The following MKS1 variants were observed in gnomAD, a reference collection of about 807,000 sequenced individuals.
The protein encoded by MKS1 is MKS transition zone complex subunit 1, also known as tectonic-like complex member MKS1.
In MKS1, 70 loss-of-function variants were observed where a neutral mutation model predicts 83.7. That is an observed-to-expected ratio of 0.84 (90% CI 0.69 to 1.02). The LOEUF (loss-of-function observed/expected upper bound fraction) is 1.02. MKS1 is among the 50% of genes least tolerant of loss of function. MKS1 has a pLI of 0.00. For missense variants in MKS1, 681 were observed against 726.9 expected, an observed-to-expected ratio of 0.94 and a Z score of 0.73; for synonymous variants, 251 against 273.4, an observed-to-expected ratio of 0.92 and a Z score of 0.81.
chr17:58,206,504 C>G lies in MKS1; in HGVS notation c.1451G>C (p.Gly484Ala). 5 of 1,614,040 alleles carry G rather than the reference C, an allele frequency of 3.1e-6. No homozygotes were observed. The highest frequency in any genetic ancestry group is 4.2e-6 in the Non-Finnish European group (5 of 1,180,022). ...ACAGTGCAAGCGGAAGGTGACAGTG[C>G]CTGTGGTCTCTGTGCGGAGTCCAAA... ...SRFGLRTETT[G>A]TVTFRLHCLQ... The change falls in exon 16 of 18, where the codon GGC becomes GCC. Residue 484 changes from glycine (G) to alanine (A), a missense_variant. Physicochemically the swap from Gly to Ala is moderately conservative, Grantham distance 60. This residue lies in a region of MKS1 where 310 missense variants were observed against 321.7 expected (regional missense o/e 0.96). Coordinates refer to ENST00000393119, the MANE Select transcript of MKS1 (RefSeq NM_017777.4).
chr17:58,206,974 G>T, intron 15 of MKS1, 111 bp downstream of exon 15: 2 of 1,472,704 alleles, frequency 1.4e-6, no homozygotes, highest in Non-Finnish European at 1.9e-6. Context: ...GAAGGAAGGG[G>T]TTAATACTGA....
At chr17:58,207,773 T>C in intron 14 of MKS1, 121 bp downstream of exon 14, 1 of 1,013,432 alleles carries the variant, frequency 9.9e-7, no homozygotes. Context: ...CAGGAACTCT[T>C]TCAAGCCAAA....
At chr17:58,215,277 T>TA (rs1239380571) in intron 4 of MKS1, among the ~76,000 whole-genome samples, 2 of 152,120 alleles carry the variant, frequency 1.3e-5, no homozygotes, top group Admixed American at 6.5e-5. Context: ...AATTTATATA[T>TA]TTTTTTAAGA....
At position 58,214,167 on chromosome 17, in the gene MKS1, C is replaced by T. The variant is rs1397684616; in HGVS notation, c.644+92G>A. On this transcript the variant is annotated intron_variant, in intron 6 of 17. Coordinates refer to ENST00000393119, the MANE Select transcript of MKS1 (RefSeq NM_017777.4). Reference sequence around the variant, plus strand: ...AAGGAAGAAAAAGTCCCTCCCTCCCCTATAACCTAGGATGATAATAACAGG... The same window carrying T: ...AAGGAAGAAAAAGTCCCTCCCTCCCTTATAACCTAGGATGATAATAACAGG... 45 of 1,590,860 alleles carry T rather than the reference C, an allele frequency of 2.8e-5. No homozygotes were observed. In the East Asian group the frequency reaches 9.6e-4, roughly 34 times the overall value.
chr17:58,210,503 G>C (rs1207209774), intron 11 of MKS1, among the ~76,000 whole-genome samples, 156 bp downstream of exon 11: 1 of 152,162 alleles, frequency 6.6e-6, no homozygotes, highest in Non-Finnish European at 1.5e-5. Flanking sequence ...GGTGAAAGCA[G>C]GGAAGTCTCC....
At chr17:58,212,000 T>C (rs1968905239) in intron 9 of MKS1, among the ~76,000 whole-genome samples, 1 of 152,062 alleles carries the variant, frequency 6.6e-6, no homozygotes, top group South Asian at 2.1e-4. Context: ...TTAAATTAAT[T>C]ATAAAGTAAT....
chr17:58,207,252 C>A (rs1395849605), intron 14 of MKS1, 34 bp from the exon 15 acceptor site: 14 of 1,612,572 alleles, frequency 8.7e-6, no homozygotes, highest in Non-Finnish European at 1.2e-5. Context: ...GGGCCAGGTC[C>A]AGAAAGGGCA....
In MKS1 at chr17:58,219,037, G is replaced by A. The variant is rs1598007788; in HGVS notation, c.80+114C>T. On this transcript the variant is annotated intron_variant, in intron 1 of 17. Coordinates refer to ENST00000393119, the MANE Select transcript of MKS1 (RefSeq NM_017777.4). ...GATAGTGAAAGAAGTGGGGAGCCCG[G>A]AGAAGTGGTCGGGATTGTAAGCAGA... is the stretch of plus-strand genomic sequence containing the variant. 1.8e-5 allele frequency: 26 copies of A among 1,421,816 alleles called. No individual in the cohort carries two copies. The East Asian group carries it at 6.5e-4, about 35-fold the overall frequency. The allele number at this position is 1,421,816 out of a possible 1,614,324, so 88.1% of individuals were successfully genotyped here. A position where few individuals can be genotyped will look rare whatever the true frequency, so the allele number is the denominator to read the frequency against.
At position 58,214,814 on chromosome 17, in the gene MKS1, C is replaced by T; in HGVS notation, c.442G>A (p.Ala148Thr). The T allele has an allele frequency of 6.2e-7, 1 of 1,604,804 alleles. No individual in the cohort carries two copies. The highest frequency in any genetic ancestry group is 8.5e-7 in the Non-Finnish European group (1 of 1,179,520). Residue 148 changes from alanine to threonine, a missense_variant, in exon 5 of 18, where the codon GCC becomes ACC. Transcript: ENST00000393119. The part of the protein sequence containing the change: ...EEHCQRMTTA[A>T]SEVPSFLVER... ...ACCAAGAATGAAGGCACCTCGCTGG[C>T]TGCAGTGGTCATTCTCTGACAGTGC... is the stretch of plus-strand genomic sequence containing the variant.
chr17:58,206,015 A>T lies in MKS1; in HGVS notation c.*64T>A. 1 of 1,557,376 alleles carries T rather than the reference A, an allele frequency of 6.4e-7. No individual in the cohort carries two copies. Among genetic ancestry groups the T allele is most frequent in the South Asian group, 1.2e-5 (1 of 85,180 alleles). On this transcript the variant is annotated 3_prime_UTR_variant, in exon 18 of 18. Coordinates refer to ENST00000393119, the MANE Select transcript of MKS1 (RefSeq NM_017777.4). The stretch of plus-strand genomic sequence containing the variant: ...CTAATCAGAAAGACGAAGAGGCAGG[A>T]GAGCACTGGCCTCAGATATCCCCCA...
Position 58,212,432 on chromosome 17 carries a change from A to C in MKS1, c.861T>G (p.Leu287=). The change falls in exon 9 of 18, where the codon CTT becomes CTG. Residue 287 remains leucine, a splice_region_variant and synonymous_variant. Coordinates refer to ENST00000393119, the MANE Select transcript of MKS1 (RefSeq NM_017777.4). ...TGAGATACTCCTTGTGCCGGCCATA[A>C]AGCTGAGGAAACAAACCAAACCAAA... ...EERERRVFKD[L]YGRHKEYLSS... 1 of 1,614,182 alleles carries C rather than the reference A, an allele frequency of 6.2e-7. No individual in the cohort carries two copies. Among genetic ancestry groups the C allele is most frequent in the Non-Finnish European group, 8.5e-7 (1 of 1,180,030 alleles).
chr17:58,206,167 G>C lies in MKS1; in HGVS notation c.1592C>G (p.Ala531Gly), dbSNP rs751294519. Residue 531 changes from alanine (A) to glycine (G), a missense_variant, in exon 18 of 18, where the codon GCC becomes GGC. Ala to Gly is a moderately conservative substitution (Grantham distance 60). Around this residue, in one of 3 missense-constraint regions of MKS1, gnomAD observed 310 missense variants for 321.7 expected, o/e 0.96. Transcript: ENST00000393119. ...CATGCGGCGCCGGGCTCGACGGAAG[G>C]CCTCTGTAAGGAAAGGAGATATGCT... ...QQSSIHNVLEAFRRARRRMQE... is the reference protein window; with the variant it reads ...QQSSIHNVLEGFRRARRRMQE... 3 of 1,614,044 alleles carry C rather than the reference G, an allele frequency of 1.9e-6. No homozygotes were observed. Among genetic ancestry groups the C allele is most frequent in the Non-Finnish European group, 2.5e-6 (3 of 1,179,978 alleles).
At chr17:58,210,245 C>T (rs1425910071) in intron 11 of MKS1, among the ~76,000 whole-genome samples, 1 of 152,028 alleles carries the variant, frequency 6.6e-6, no homozygotes, top group Non-Finnish European at 1.5e-5. Context: ...GAGTCTGAGA[C>T]GTATTGATGG....
chr17:58,206,440 T>A, intron 16 of MKS1, 25 bp downstream of exon 16: 1 of 1,614,056 alleles, frequency 6.2e-7, no homozygotes, highest in Non-Finnish European at 8.5e-7. Flanking sequence ...TAAGGTGCCC[T>A]GAGGCAGAGG....
intron 7 of MKS1, 119 bp downstream of exon 7, chr17:58,213,645 CT>C (rs779473998): frequency 1.3e-6 from 1 of 799,978 alleles, no homozygotes; most frequent in Non-Finnish European, 2.2e-6. Flanking sequence ...GAACCATTGC[CT>C]GGGAATGTAA....
At chr17:58,212,275 G>A (rs756831434) in intron 9 of MKS1, 103 bp downstream of exon 9, 7 of 1,325,692 alleles carry the variant, frequency 5.3e-6, no homozygotes, top group African/African-American at 1.4e-5. Flanking sequence ...TCACACTGTA[G>A]AGTATACCTT....
chr17:58,210,942 C>A lies in MKS1; in HGVS notation c.958+38G>T, dbSNP rs778564466. ...ATTCACAGCTCCATCTAGGCACGTG[C>A]CTAAGCATCAAGAGATCTATGCTAG... is the stretch of plus-strand genomic sequence containing the variant. On this transcript the variant is annotated intron_variant, in intron 10 of 17. Coordinates refer to ENST00000393119, the MANE Select transcript of MKS1 (RefSeq NM_017777.4). 1.2e-6 allele frequency: 2 copies of A among 1,605,722 alleles called. 1 individual carries two copies. Among genetic ancestry groups the A allele is most frequent in the Non-Finnish European group, 1.7e-6 (2 of 1,172,686 alleles).
At chr17:58,214,436 C>T in intron 5 of MKS1, 49 bp from the exon 6 acceptor site, 1 of 1,611,894 alleles carries the variant, frequency 6.2e-7, no homozygotes, top group Non-Finnish European at 8.5e-7. Flanking sequence ...CCCAATGGAG[C>T]ACCCCAGTGG....
chr17:58,206,043 T>C lies in MKS1; in HGVS notation c.*36A>G. 6.3e-7 allele frequency: 1 copy of C among 1,586,106 alleles called. No individual in the cohort carries two copies. ...GCACTGGCCTCAGATATCCCCCATCTTGTCCTCTTGCACTGTGGGCCAGGG... is the reference window on the plus strand; with the variant it reads ...GCACTGGCCTCAGATATCCCCCATCCTGTCCTCTTGCACTGTGGGCCAGGG... On this transcript the variant is annotated 3_prime_UTR_variant, in exon 18 of 18. Coordinates refer to ENST00000393119, the MANE Select transcript of MKS1 (RefSeq NM_017777.4).
Sources: gnomAD v4.1 joint callset for allele counts (sites outside exome capture counted in the v4.1 genomes callset) on GRCh38, gnomAD v4.1.1 for gene constraint, gnomAD v4.1.1 regional missense constraint, MANE v1.5 for transcripts, NCBI Gene and HGNC (gene_info 2026-07-23, HGNC 2026-07-21) for gene names.